ASNS: variants seen among roughly 807,000 people sequenced by gnomAD.
ASNS encodes the protein asparagine synthetase [glutamine-hydrolyzing].
A neutral mutation model predicts 62.6 loss-of-function variants in ASNS; 37 were observed. The ratio of observed to expected loss-of-function variants is 0.59; its 90% CI spans 0.45 to 0.78. The LOEUF is 0.78. Ranked by LOEUF, ASNS falls within the 30% of genes least tolerant of loss-of-function variation. The probability of loss-of-function intolerance (pLI) is 0.00; values close to 1 mark genes in which losing one functional copy is unlikely to be tolerated. For missense variants in ASNS, 520 were observed against 682.4 expected (o/e 0.76, Z 2.65); for synonymous variants, 207 against 237.9 (o/e 0.87, Z 1.19).
chr7:97,902,939 T>C, the ASNS span, among the ~76,000 whole-genome samples: 1 of 152,134 alleles, frequency 6.6e-6, no homozygotes, highest in Non-Finnish European at 1.5e-5. Context: ...CTGGGGACAT[T>C]AGGCAATATC....
chr7:97,917,797 T>C, the ASNS span, among the ~76,000 whole-genome samples: 1 of 152,190 alleles, frequency 6.6e-6, no homozygotes, highest in Non-Finnish European at 1.5e-5. Flanking sequence ...AGTCTAGCAA[T>C]GACAGTCAAC....
At chr7:97,914,151 C>CATGGATGGATGGATGG in the ASNS span, among the ~76,000 whole-genome samples, 1 of 125,056 alleles carries the variant, frequency 8.0e-6, no homozygotes, top group East Asian at 2.6e-4. Flanking sequence ...TGGATGGATG[C>CATGGATGGATGGATGG]ATGGATGGAT....
At chr7:97,877,414 T>C (rs889210927), upstream of ASNS, among the ~76,000 whole-genome samples, 9 of 152,158 alleles carry the variant, frequency 5.9e-5, no homozygotes, top group Non-Finnish European at 1.3e-4. Context: ...TATATTACTT[T>C]CCTGTTGGTG....
upstream of ASNS, among the ~76,000 whole-genome samples, chr7:97,877,095 C>CTT (rs55853302): frequency 8.3e-6 from 1 of 120,452 alleles, no homozygotes. Flanking sequence ...CATTTAACTT[C>CTT]TTTTTTTTTT....
At chr7:97,875,431 GC>G (rs1792418735), upstream of ASNS, among the ~76,000 whole-genome samples, 2 of 152,228 alleles carry the variant, frequency 1.3e-5, no homozygotes, top group South Asian at 4.1e-4. Context: ...GAGCCACCAT[GC>G]CTGGCCACAG....
chr7:97,857,649 C>A (rs1247120630), intron 7 of ASNS, among the ~76,000 whole-genome samples: 122 of 144,432 alleles, frequency 8.4e-4, no homozygotes, highest in African/African-American at 3.0e-3. Flanking sequence ...GAACAAAAAA[C>A]CCGTTTTTTT....
At chr7:97,888,514 G>A in the ASNS span, among the ~76,000 whole-genome samples, 2 of 152,122 alleles carry the variant, frequency 1.3e-5, no homozygotes, top group African/African-American at 4.8e-5. Flanking sequence ...TTTAGGCTAC[G>A]ATGGCACCAC....
At chr7:97,924,658 G>A in the ASNS span, among the ~76,000 whole-genome samples, 1 of 152,208 alleles carries the variant, frequency 6.6e-6, no homozygotes, top group Non-Finnish European at 1.5e-5. Context: ...GAACCAGGGG[G>A]ATGTGGTGGG....
the ASNS span, among the ~76,000 whole-genome samples, chr7:97,907,776 A>AC: frequency 2.0e-5 from 3 of 151,696 alleles, no homozygotes; most frequent in East Asian, 5.8e-4. Flanking sequence ...CTCAAAAAAA[A>AC]AAAAAGCACA....
At chr7:97,873,314 A>G (rs2115794982), upstream of ASNS, among the ~76,000 whole-genome samples, 1 of 152,352 alleles carries the variant, frequency 6.6e-6, no homozygotes, top group African/African-American at 2.4e-5. Context: ...TAAATTGAGA[A>G]ATAGTAAAAT....
rs758183057 is a variant in ASNS, at chr7:97,854,680, C to T, written c.1138G>A (p.Ala380Thr). ...TCCTCGGCTTTTTCAGGAGAAGGAG[C>T]CTATTTCACAAACAAAAACACCAAG... ...LTQGYIYFHK[A>T]PSPEKAEEES... The change falls in exon 10 of 13, where the codon GCT (alanine) becomes ACT (threonine). Residue 380 changes from alanine (A) to threonine (T), a missense_variant and splice_region_variant. Ala to Thr is a moderately conservative substitution (Grantham distance 58). Transcript: ENST00000394308. 1 of 1,613,980 alleles carries T rather than the reference C, an allele frequency of 6.2e-7. No individual in the cohort carries two copies. Among genetic ancestry groups the T allele is most frequent in the Non-Finnish European group, 8.5e-7 (1 of 1,179,954 alleles).
the ASNS span, among the ~76,000 whole-genome samples, chr7:97,920,977 A>T: frequency 5.3e-4 from 81 of 152,318 alleles, no homozygotes; most frequent in Non-Finnish European, 2.9e-5. Flanking sequence ...GTGAGATCCC[A>T]AGCCCTTGCC....
the ASNS span, chr7:97,886,201 G>C: frequency 4.0e-6 from 1 of 252,008 alleles, no homozygotes; most frequent in Non-Finnish European, 7.8e-6. Flanking sequence ...AGGCTGGAGG[G>C]CAGTGGCATG....
the ASNS span, among the ~76,000 whole-genome samples, chr7:97,914,390 C>A: frequency 6.6e-6 from 1 of 152,298 alleles, no homozygotes; most frequent in East Asian, 1.9e-4. Flanking sequence ...TCTCGGAACA[C>A]TTTATTGGCT....
In ASNS at chr7:97,859,250, C is replaced by T. The variant is rs780961720; in HGVS notation, c.636G>A (p.Leu212=). The T allele has an allele frequency of 6.2e-7, 1 of 1,613,954 alleles. No homozygotes were observed. The highest frequency in any genetic ancestry group is 1.3e-5 in the African/African-American group (1 of 75,022). The change falls in exon 5 of 13, where the codon CTG becomes CTA. Residue 212 remains leucine, a synonymous_variant. Transcript: ENST00000394308. ...VKYHHCRDVP[L]HALYDNVEKL... ...TCTCCACATTGTCATAGAGGGCGTG[C>T]AGGGGTACATCCCGACAGTGATGAT... is the stretch of plus-strand genomic sequence containing the variant.
At chr7:97,870,629 A>G (rs1792209924) in intron 1 of ASNS, among the ~76,000 whole-genome samples, 1 of 152,246 alleles carries the variant, frequency 6.6e-6, no homozygotes, top group Non-Finnish European at 1.5e-5. Context: ...CAAATAGCCT[A>G]TAACAAATTA....
the ASNS span, among the ~76,000 whole-genome samples, chr7:97,915,223 C>A: frequency 9.9e-5 from 15 of 152,212 alleles, no homozygotes; most frequent in African/African-American, 3.6e-4. Flanking sequence ...TCTGGCTACA[C>A]CTGTCCTAAA....
the ASNS span, among the ~76,000 whole-genome samples, chr7:97,923,627 C>T: frequency 6.6e-6 from 1 of 152,190 alleles, no homozygotes; most frequent in Admixed American, 6.5e-5. Flanking sequence ...CCTCCCAAGC[C>T]CAAGTCTCCA....
the ASNS span, among the ~76,000 whole-genome samples, chr7:97,926,612 GC>G: frequency 6.6e-6 from 1 of 152,154 alleles, no homozygotes; most frequent in Non-Finnish European, 1.5e-5. Context: ...TGGGCTTTGG[GC>G]CAAATTTTAA....
Sources: allele counts gnomAD v4.1 joint callset (sites outside exome capture counted in the v4.1 genomes callset), GRCh38; gene constraint gnomAD v4.1.1; transcripts MANE v1.5; gene names NCBI Gene and HGNC (gene_info 2026-07-23, HGNC 2026-07-21).